B3GALNT2: variants seen among roughly 807,000 people sequenced by gnomAD.
The protein encoded by B3GALNT2 is UDP-GalNAc:beta-1,3-N-acetylgalactosaminyltransferase 2.
Under a neutral mutation model 61.1 loss-of-function variants are expected in B3GALNT2, and 53 were observed. The observed-to-expected ratio is 0.87, with a 90% confidence interval of 0.70 to 1.09. B3GALNT2 has a LOEUF of 1.09. Among genes scored for constraint, B3GALNT2 ranks in the 50% least tolerant of loss-of-function variants. The pLI, the probability that B3GALNT2 is intolerant of heterozygous loss-of-function variation, is 0.00. For missense variants in B3GALNT2, 544 were observed against 623.0 expected, an observed-to-expected ratio of 0.87 and a Z score of 1.35; for synonymous variants, 223 against 237.4, an observed-to-expected ratio of 0.94 and a Z score of 0.56.
chr1:235,490,681 A>C (rs756082491), intron 2 of B3GALNT2, among the ~76,000 whole-genome samples: 27 of 152,134 alleles, frequency 1.8e-4, no homozygotes, highest in Non-Finnish European at 2.8e-4. Flanking sequence ...ATTTTGTGAG[A>C]CGGTTATTAA....
At chr1:235,467,691 G>A (rs1022783870) in intron 6 of B3GALNT2, among the ~76,000 whole-genome samples, 2 of 151,136 alleles carry the variant, frequency 1.3e-5, no homozygotes, top group Non-Finnish European at 2.9e-5. Context: ...TGTTGGCCAG[G>A]CTGGTCTCGA....
Position 235,489,151 on chromosome 1 carries a change from G to C in B3GALNT2, c.361+17C>G. 6.2e-7 allele frequency: 1 copy of C among 1,612,922 alleles called. No homozygotes were observed. The highest frequency in any genetic ancestry group is 1.7e-5 in the Admixed American group (1 of 59,880). ...CATCAAGCTTGTGTATGGCAGTCAA[G>C]GGAAAAGATGACTTACCTGGATTTG... On this transcript the variant is annotated intron_variant, in intron 3 of 11. Coordinates refer to ENST00000366600, the MANE Select transcript of B3GALNT2 (RefSeq NM_152490.5).
In B3GALNT2 at chr1:235,458,682, T is replaced by G; in HGVS notation, c.946A>C (p.Ile316Leu). The G allele has an allele frequency of 6.2e-7, 1 of 1,613,412 alleles. No homozygotes were observed. Among genetic ancestry groups the G allele is most frequent in the Non-Finnish European group, 8.5e-7 (1 of 1,179,740 alleles). The change falls in exon 8 of 12, where the codon ATC becomes CTC. Residue 316 changes from isoleucine to leucine, a missense_variant. By Grantham distance (5) the Ile-to-Leu change is conservative. Transcript: ENST00000366600. ...TCCACAAAAACAATATCATCATAGA[T>G]GCTGCTTTCCTCCTTCAGTAAGGCA... ...EDALLKEESS[I>L]YDDIVFVDVV...
chr1:235,462,660 G>A (rs1264952402), intron 7 of B3GALNT2, among the ~76,000 whole-genome samples: 5 of 152,110 alleles, frequency 3.3e-5, no homozygotes, highest in African/African-American at 1.2e-4. Flanking sequence ...TTTAACAAAA[G>A]AAGTGCAAGA....
In B3GALNT2 at chr1:235,484,514, A is replaced by G; in HGVS notation, c.363T>C (p.Val121=). The G allele has an allele frequency of 6.2e-7, 1 of 1,613,932 alleles. No individual in the cohort carries two copies. Among genetic ancestry groups the G allele is most frequent in the Non-Finnish European group, 8.5e-7 (1 of 1,179,918 alleles). Residue 121 remains valine (V), a splice_region_variant and synonymous_variant, in exon 4 of 12, where the codon GTT becomes GTC. Coordinates refer to ENST00000366600, the MANE Select transcript of B3GALNT2 (RefSeq NM_152490.5). ...TGAACGCTTCAATTTCCTGATTCAA[A>G]ACTAAGTAATGAGAACAGGTTTATA... The part of the protein sequence containing the change: ...SCKLLNITNP[V]LNQEIEAFSL...
Position 235,454,172 on chromosome 1 carries a change from C to T in B3GALNT2, c.1295G>A (p.Arg432Lys). ...IVKWLASNSG[R>K]LKTYQGEDVS... is the part of the protein sequence containing the mutation. ...CTTAATTACCTGATAGGTCTTTAAC[C>T]TCCCCGAGTTGCTTGCCAGCCACTT... Residue 432 changes from arginine to lysine, a missense_variant, in exon 10 of 12, where the codon AGG (arginine) becomes AAG (lysine). Arg to Lys is a conservative substitution (Grantham distance 26, BLOSUM62 2). Coordinates refer to ENST00000366600, the MANE Select transcript of B3GALNT2 (RefSeq NM_152490.5). The T allele has an allele frequency of 6.2e-7, 1 of 1,610,524 alleles. No homozygotes were observed. Among genetic ancestry groups the T allele is most frequent in the Non-Finnish European group, 8.5e-7 (1 of 1,178,506 alleles).
intron 5 of B3GALNT2, among the ~76,000 whole-genome samples, chr1:235,471,268 T>C (rs1204906770): frequency 1.3e-5 from 2 of 152,358 alleles, no homozygotes; most frequent in South Asian, 2.1e-4. Flanking sequence ...CTTCCTCATG[T>C]GTGTATAACA....
rs201822310 is a variant in B3GALNT2 at position 235,470,869 on chromosome 1, C to G, written c.743G>C (p.Gly248Ala). 1.9e-6 allele frequency: 3 copies of G among 1,613,928 alleles called. No individual in the cohort carries two copies. In the African/African-American group the frequency reaches 4.0e-5, roughly 22 times the overall value. The change falls in exon 6 of 12, where the codon GGA becomes GCA. Residue 248 changes from glycine (G) to alanine (A), a missense_variant. Coordinates refer to ENST00000366600, the MANE Select transcript of B3GALNT2 (RefSeq NM_152490.5). ...ACTTACTGTAATGACTCTGAGAACT[C>G]CCCCTCCATCATTCACTGTCACTTT... is the stretch of plus-strand genomic sequence containing the variant. Reference protein sequence around the residue: ...LHKVTVNDGGGVLRVITAGEG... With the variant: ...LHKVTVNDGGAVLRVITAGEG...
chr1:235,504,407 C>G lies in B3GALNT2; in HGVS notation c.-155G>C, dbSNP rs1302276647. The G allele has an allele frequency of 1.2e-5, 9 of 782,596 alleles. No homozygotes were observed. Among genetic ancestry groups the G allele is most frequent in the Non-Finnish European group, 1.5e-5 (8 of 550,788 alleles). The allele number at this position is 782,596 out of a possible 1,614,324, so 48.5% of individuals were successfully genotyped here. ...ACGTCTGGGGGGCTCCTCGCAGCTCCCGGCCCCGCTCCTCCGGTCCCTCAG... is the reference window on the plus strand; with the variant it reads ...ACGTCTGGGGGGCTCCTCGCAGCTCGCGGCCCCGCTCCTCCGGTCCCTCAG... On this transcript the variant is annotated 5_prime_UTR_variant, in exon 1 of 12. Transcript: ENST00000366600.
intron 1 of B3GALNT2, among the ~76,000 whole-genome samples, chr1:235,495,184 T>C (rs1685260206): frequency 6.6e-6 from 1 of 152,328 alleles, no homozygotes; most frequent in East Asian, 1.9e-4. Context: ...CCAGGCTCTA[T>C]CATATATTAA....
chr1:235,457,045 C>T (rs913848910), intron 8 of B3GALNT2, among the ~76,000 whole-genome samples: 2 of 152,070 alleles, frequency 1.3e-5, no homozygotes, highest in Non-Finnish European at 2.9e-5. Flanking sequence ...TGGTGGCTCA[C>T]GCCTATAATC....
At chr1:235,454,686 C>G (rs1268307194) in intron 9 of B3GALNT2, among the ~76,000 whole-genome samples, 1 of 152,112 alleles carries the variant, frequency 6.6e-6, no homozygotes, top group Non-Finnish European at 1.5e-5. Flanking sequence ...GTGATCCACC[C>G]TCCTCAGCCT....
chr1:235,448,536 G>A lies in B3GALNT2; in HGVS notation c.*1670C>T, dbSNP rs1682636086. On this transcript the variant is annotated 3_prime_UTR_variant, in exon 12 of 12. Transcript: ENST00000366600. ...AGATAGCAACAGTTTGATTCTAAAT[G>A]GAGACCATGGGTCTGTTTGTTTGAT... 7 of 1,398,052 alleles carry A rather than the reference G, an allele frequency of 5.0e-6. 1 individual carries two copies. The Middle Eastern group carries it at 7.1e-4, about 142-fold the overall frequency. The allele number at this position is 1,398,052 out of a possible 1,614,324, so 86.6% of individuals were successfully genotyped here. A position where few individuals can be genotyped will look rare whatever the true frequency, so the allele number is the denominator to read the frequency against.
intron 2 of B3GALNT2, among the ~76,000 whole-genome samples, chr1:235,491,600 A>G (rs1470925575): frequency 6.6e-6 from 1 of 152,008 alleles, no homozygotes; most frequent in East Asian, 1.9e-4. Flanking sequence ...TGATTCCACT[A>G]TTCTCCAAGT....
chr1:235,441,745 T>G, the B3GALNT2 span: 1 of 1,422,470 alleles, frequency 7.0e-7, no homozygotes, highest in Non-Finnish European at 9.9e-7. Flanking sequence ...CCTTTGTTTG[T>G]TTGTTTGTTT....
At chr1:235,484,214 C>A in intron 4 of B3GALNT2, 108 bp downstream of exon 4, 1 of 1,401,670 alleles carries the variant, frequency 7.1e-7, no homozygotes, top group African/African-American at 1.4e-5. Context: ...AGTCTCTCAA[C>A]CAGAGAGAAT....
intron 2 of B3GALNT2, among the ~76,000 whole-genome samples, chr1:235,493,664 GCTA>G (rs1685182074): frequency 6.6e-6 from 1 of 152,124 alleles, no homozygotes; most frequent in Admixed American, 6.5e-5. Flanking sequence ...TGTAATCCCA[GCTA>G]CTTGGGAGGC....
intron 1 of B3GALNT2, among the ~76,000 whole-genome samples, chr1:235,499,745 C>T (rs1350650079): frequency 6.6e-6 from 1 of 152,158 alleles, no homozygotes; most frequent in Non-Finnish European, 1.5e-5. Context: ...AGGGTAGGAT[C>T]TAATGTTAAC....
chr1:235,457,912 TTTC>T (rs1475462951), intron 8 of B3GALNT2, among the ~76,000 whole-genome samples: 28 of 151,656 alleles, frequency 1.8e-4, no homozygotes, highest in African/African-American at 6.6e-4. Flanking sequence ...TTTTTTTTTT[TTTC>T]TTTTTTTTTG....
Sources: gnomAD v4.1 joint callset for allele counts (sites outside exome capture counted in the v4.1 genomes callset) on GRCh38, gnomAD v4.1.1 for gene constraint, MANE v1.5 for transcripts, NCBI Gene and HGNC (gene_info 2026-07-23, HGNC 2026-07-21) for gene names.